The following CARMIL1 variants were observed in gnomAD, a reference collection of about 807,000 sequenced individuals.
The protein encoded by CARMIL1 is F-actin-uncapping protein LRRC16A.
In CARMIL1, 90 loss-of-function variants were observed where a neutral mutation model predicts 177.1. The ratio of observed to expected loss-of-function variants is 0.51; its 90% CI spans 0.43 to 0.61. The LOEUF is 0.61. CARMIL1 is among the 20% of genes least tolerant of loss of function. The probability of loss-of-function intolerance (pLI) is 0.00; values close to 1 mark genes in which losing one functional copy is unlikely to be tolerated. For missense variants in CARMIL1, 1,380 were observed against 1,667.0 expected (o/e 0.83, Z 3.00); for synonymous variants, 577 against 606.2 (o/e 0.95, Z 0.71).
chr6:25,379,498 A>G (rs925227787), intron 2 of CARMIL1, among the ~76,000 whole-genome samples: 3 of 152,198 alleles, frequency 2.0e-5, no homozygotes, highest in African/African-American at 7.2e-5. Flanking sequence ...TTGGTAGGAA[A>G]AAACAAGATT....
chr6:25,441,337 A>ATATATGTGTG lies in CARMIL1; in HGVS notation c.371+5734_371+5735insATATGTGTGT. Among the ~76,000 whole-genome samples the ATATATGTGTG allele has an allele frequency of 9.8e-3, 927 of 94,498 alleles. 7 individuals are homozygous for ATATATGTGTG. Among genetic ancestry groups the ATATATGTGTG allele is most frequent in the South Asian group, 0.023 (55 of 2,416 alleles). The allele number at this position is 94,498 out of a possible 152,430, so 62.0% of individuals were successfully genotyped here. A position where few individuals can be genotyped will look rare whatever the true frequency, so the allele number is the denominator to read the frequency against. On this transcript the variant is annotated intron_variant, in intron 5 of 36. Coordinates refer to ENST00000329474, the MANE Select transcript of CARMIL1 (RefSeq NM_017640.6). ...CAAACAAACATATATATATATATATATGTGTGTGTGTGTGTGTGTGTGTGT... is the reference window on the plus strand; with the variant it reads ...CAAACAAACATATATATATATATATATATATGTGTGTGTGTGTGTGTGTGTGTGTGTGTGT...
At chr6:25,344,369 C>T (rs1011491488) in intron 2 of CARMIL1, among the ~76,000 whole-genome samples, 4 of 152,128 alleles carry the variant, frequency 2.6e-5, no homozygotes, top group Non-Finnish European at 4.4e-5. Context: ...TAATCTCTAC[C>T]ATGGCATAGA....
In CARMIL1 at chr6:25,459,266, C is replaced by CTTTCTTTCTTTCTTCTTTTTTTTTT; in HGVS notation, c.615-6604_615-6603insCTTTCTTTCTTCTTTTTTTTTTTTT. Among the ~76,000 whole-genome samples the CTTTCTTTCTTTCTTCTTTTTTTTTT allele has an allele frequency of 6.8e-5, 5 of 73,754 alleles. 1 individual carries two copies. Among genetic ancestry groups the CTTTCTTTCTTTCTTCTTTTTTTTTT allele is most frequent in the African/African-American group, 2.0e-4 (4 of 20,324 alleles). 48.4% of individuals were successfully genotyped at this position (73,754 alleles called of 152,430 possible). A position where few individuals can be genotyped will look rare whatever the true frequency, so the allele number is the denominator to read the frequency against. ...TCTTTCTTTCTTTCTTTCTTTCTTTCTTTTTTTTTTTTTTAAGACAGGGTC... is the reference window on the plus strand; with the variant it reads ...TCTTTCTTTCTTTCTTTCTTTCTTTCTTTCTTTCTTTCTTCTTTTTTTTTTTTTTTTTTTTTTTTAAGACAGGGTC... On this transcript the variant is annotated intron_variant, in intron 8 of 36. Transcript: ENST00000329474.
intron 25 of CARMIL1, 24 bp from the exon 26 acceptor site, chr6:25,539,923 G>A: frequency 6.5e-7 from 1 of 1,527,704 alleles, no homozygotes; most frequent in Non-Finnish European, 8.8e-7. Context: ...ATTCTAAAGA[G>A]GTTATTTTTT....
intron 31 of CARMIL1, among the ~76,000 whole-genome samples, chr6:25,583,328 G>A (rs1410265383): frequency 1.3e-5 from 2 of 152,220 alleles, no homozygotes; most frequent in Non-Finnish European, 2.9e-5. Context: ...ACAGTGCACA[G>A]CCTGAGCAAC....
At chr6:25,359,824 G>T (rs1788999897) in intron 2 of CARMIL1, among the ~76,000 whole-genome samples, 1 of 152,168 alleles carries the variant, frequency 6.6e-6, no homozygotes, top group South Asian at 2.1e-4. Flanking sequence ...TTGTTATAGT[G>T]TGTCCCACTG....
At chr6:25,371,552 T>C (rs1307072045) in intron 2 of CARMIL1, among the ~76,000 whole-genome samples, 2 of 152,228 alleles carry the variant, frequency 1.3e-5, no homozygotes, top group African/African-American at 4.8e-5. Flanking sequence ...GCCATTTGTA[T>C]ATCTTCTTTT....
chr6:25,561,029 T>A (rs1475448914), intron 29 of CARMIL1, among the ~76,000 whole-genome samples: 1 of 152,230 alleles, frequency 6.6e-6, no homozygotes, highest in Non-Finnish European at 1.5e-5. Context: ...TTAGTTTTCC[T>A]ATATGCTTCT....
chr6:25,597,534 C>T (rs1814970590), intron 32 of CARMIL1, among the ~76,000 whole-genome samples: 1 of 152,146 alleles, frequency 6.6e-6, no homozygotes, highest in African/African-American at 2.4e-5. Flanking sequence ...TCTCCTAAAT[C>T]TCCAGTAAGG....
chr6:25,429,757 C>CTTGGCTCACTGCAACCTCTGCCTCCCGGG (rs1236669172), intron 4 of CARMIL1, among the ~76,000 whole-genome samples: 7 of 150,714 alleles, frequency 4.6e-5, no homozygotes, highest in African/African-American at 1.7e-4. Context: ...TTTTAAGCTT[C>CTTGGCTCACTGCAACCTCTGCCTCCCGGG]TTAAAATGAT....
chr6:25,607,315 C>G (rs1816071456), intron 35 of CARMIL1, among the ~76,000 whole-genome samples: 1 of 151,972 alleles, frequency 6.6e-6, no homozygotes, highest in Non-Finnish European at 1.5e-5. Flanking sequence ...TCACCTCTTC[C>G]CCTTGTTCTC....
chr6:25,563,152 T>G, intron 29 of CARMIL1: 1 of 831,138 alleles, frequency 1.2e-6, no homozygotes, highest in Non-Finnish European at 1.5e-6. Flanking sequence ...GTAGAGCCAA[T>G]AGTAAGTGAA....
intron 8 of CARMIL1, among the ~76,000 whole-genome samples, chr6:25,462,008 C>T (rs967578439): frequency 7.9e-5 from 12 of 151,930 alleles, no homozygotes; most frequent in African/African-American, 2.9e-4. Context: ...ATCTTTTGCT[C>T]ATTTAAAAAA....
intron 5 of CARMIL1, among the ~76,000 whole-genome samples, chr6:25,446,936 C>T (rs562906440): frequency 1.3e-5 from 2 of 152,258 alleles, no homozygotes; most frequent in East Asian, 3.9e-4. Context: ...AGATCACACA[C>T]ACTTTTAAGT....
chr6:25,477,096 AAAAAAAC>A (rs1198925021), intron 11 of CARMIL1, among the ~76,000 whole-genome samples: 2 of 151,700 alleles, frequency 1.3e-5, no homozygotes, highest in Admixed American at 6.6e-5. Flanking sequence ...TCAAAAAAAA[AAAAAAAC>A]AAAAAACAAA....
At chr6:25,316,023 G>A (rs1035138724) in intron 2 of CARMIL1, among the ~76,000 whole-genome samples, 3 of 152,182 alleles carry the variant, frequency 2.0e-5, no homozygotes, top group African/African-American at 7.2e-5. Context: ...TAAGCTAAAT[G>A]TTATGACTTG....
intron 11 of CARMIL1, among the ~76,000 whole-genome samples, chr6:25,475,838 A>G (rs1176617860): frequency 6.6e-6 from 1 of 152,182 alleles, no homozygotes; most frequent in Non-Finnish European, 1.5e-5. Context: ...CCACAGGTGC[A>G]GTTTCTTCTG....
At chr6:25,339,423 A>C (rs1401538404) in intron 2 of CARMIL1, among the ~76,000 whole-genome samples, 1 of 152,198 alleles carries the variant, frequency 6.6e-6, no homozygotes, top group East Asian at 1.9e-4. Context: ...GCACAGGGGA[A>C]GGACATCTTT....
intron 32 of CARMIL1, among the ~76,000 whole-genome samples, chr6:25,598,807 A>G (rs1233857654): frequency 6.6e-6 from 1 of 152,114 alleles, no homozygotes; most frequent in Non-Finnish European, 1.5e-5. Flanking sequence ...GTGGGCTTCA[A>G]TGTAGGGTGG....
Sources: allele counts gnomAD v4.1 joint callset (sites outside exome capture counted in the v4.1 genomes callset), GRCh38; gene constraint gnomAD v4.1.1; transcripts MANE v1.5; gene names NCBI Gene and HGNC (gene_info 2026-07-23, HGNC 2026-07-21).